The following STAG1 variants were observed in gnomAD, a reference collection of about 807,000 sequenced individuals.
The protein encoded by STAG1 is STAG1 cohesin complex component.
In STAG1, 26 loss-of-function variants were observed where a neutral mutation model predicts 170.9. The ratio of observed to expected loss-of-function variants is 0.15; its 90% CI spans 0.11 to 0.21. The LOEUF (loss-of-function observed/expected upper bound fraction) is 0.21. Ranked by LOEUF, STAG1 falls within the 10% of genes least tolerant of loss-of-function variation. The pLI is 1.00. For missense variants in STAG1, 964 were observed against 1,509.5 expected (o/e 0.64, Z 5.99); for synonymous variants, 514 against 497.7 (o/e 1.03, Z -0.44).
chr3:136,664,764 A>C (rs1206034030), intron 1 of STAG1, among the ~76,000 whole-genome samples: 1 of 152,218 alleles, frequency 6.6e-6, no homozygotes, highest in African/African-American at 2.4e-5. Context: ...AGCCAAGAGA[A>C]AGACCTGTGG....
chr3:136,619,522 C>T (rs1939746351), intron 3 of STAG1, among the ~76,000 whole-genome samples: 1 of 151,922 alleles, frequency 6.6e-6, no homozygotes, highest in Non-Finnish European at 1.5e-5. Flanking sequence ...CTTTGTGAGG[C>T]TGAGGCTGGT....
chr3:136,702,412 A>C (rs1333005726), intron 1 of STAG1, among the ~76,000 whole-genome samples: 2 of 152,112 alleles, frequency 1.3e-5, no homozygotes, highest in Non-Finnish European at 2.9e-5. Flanking sequence ...TTTGAGATGG[A>C]GTCTTGCTCT....
intron 4 of STAG1, among the ~76,000 whole-genome samples, chr3:136,595,214 T>C (rs1938369860): frequency 1.3e-5 from 2 of 152,168 alleles, no homozygotes; most frequent in Admixed American, 1.3e-4. Flanking sequence ...AAATTCAACA[T>C]GTATTTAATG....
At chr3:136,629,111 A>G (rs760230454) in intron 2 of STAG1, among the ~76,000 whole-genome samples, 2 of 152,188 alleles carry the variant, frequency 1.3e-5, no homozygotes, top group African/African-American at 2.4e-5. Flanking sequence ...TTCACTCACA[A>G]AGCATGATAT....
intron 7 of STAG1, among the ~76,000 whole-genome samples, chr3:136,508,891 A>C (rs77521246): frequency 8.0e-4 from 120 of 149,422 alleles, no homozygotes; most frequent in African/African-American, 2.9e-3. Flanking sequence ...CGTGCGCGAG[A>C]GAGAGAGAGA....
intron 12 of STAG1, among the ~76,000 whole-genome samples, chr3:136,471,041 A>G (rs113552066): frequency 1.1e-3 from 167 of 151,858 alleles, no homozygotes; most frequent in African/African-American, 2.4e-3. Flanking sequence ...CGAGTTAGTG[A>G]GTGCAGCACA....
At chr3:136,414,380 ACTAAATACCATCTCTTTCAT>A (rs2087713783) in intron 21 of STAG1, among the ~76,000 whole-genome samples, 2 of 152,170 alleles carry the variant, frequency 1.3e-5, no homozygotes, top group African/African-American at 4.8e-5. Context: ...CTTCACTAGG[ACTAAATACCATCTCTTTCAT>A]TGCTCATCCG....
In STAG1 at chr3:136,421,161, T is replaced by A; in HGVS notation, c.2040A>T (p.Gly680=). Reference sequence around the variant, plus strand: ...AAATGTCATCATCATCAGCTTCTTCTCCCTATAAAAAAAGGAAACATCACA... The same window carrying A: ...AAATGTCATCATCATCAGCTTCTTCACCCTATAAAAAAAGGAAACATCACA... ...NHSVEDLLQE[G]EEADDDDIYN... is the part of the protein sequence containing the mutation. Residue 680 remains glycine (G), a splice_region_variant and synonymous_variant, in exon 20 of 34, where the codon GGA becomes GGT. Transcript: ENST00000383202. The A allele has an allele frequency of 6.2e-7, 1 of 1,602,656 alleles. No homozygotes were observed. Among genetic ancestry groups the A allele is most frequent in the South Asian group, 1.1e-5 (1 of 89,268 alleles).
At chr3:136,688,710 T>C (rs2107894728) in intron 1 of STAG1, among the ~76,000 whole-genome samples, 1 of 152,294 alleles carries the variant, frequency 6.6e-6, no homozygotes, top group South Asian at 2.1e-4. Context: ...AATTTTTATA[T>C]GTTGTTTTGA....
chr3:136,540,519 GA>G (rs113228759), intron 6 of STAG1, among the ~76,000 whole-genome samples: 7 of 151,932 alleles, frequency 4.6e-5, no homozygotes, highest in African/African-American at 1.4e-4. Flanking sequence ...ATATTTACAG[GA>G]GTATTTTAAG....
At chr3:136,729,393 T>C (rs1933871429) in intron 1 of STAG1, among the ~76,000 whole-genome samples, 1 of 152,086 alleles carries the variant, frequency 6.6e-6, no homozygotes, top group African/African-American at 2.4e-5. Flanking sequence ...AATGGTACCA[T>C]GCTTATAAGA....
intron 9 of STAG1, among the ~76,000 whole-genome samples, chr3:136,496,914 G>A (rs1488446558): frequency 2.6e-5 from 4 of 151,602 alleles, no homozygotes; most frequent in Non-Finnish European, 5.9e-5. Context: ...AAAGGAGTGG[G>A]AGAGAGAGAG....
chr3:136,501,236 C>T (rs535130886), intron 8 of STAG1, among the ~76,000 whole-genome samples: 103 of 152,272 alleles, frequency 6.8e-4, no homozygotes, highest in African/African-American at 2.2e-3. Flanking sequence ...GCAGTACTTA[C>T]GAAAGCCCAG....
intron 4 of STAG1, among the ~76,000 whole-genome samples, chr3:136,579,974 T>A: frequency 7.6e-6 from 1 of 131,278 alleles, no homozygotes; most frequent in African/African-American, 3.0e-5. Context: ...TTTTTTTTTT[T>A]TTTTTTTTTT....
At chr3:136,415,416 T>C (rs2087743762) in intron 21 of STAG1, among the ~76,000 whole-genome samples, 1 of 152,158 alleles carries the variant, frequency 6.6e-6, no homozygotes, top group Admixed American at 6.5e-5. Context: ...TAAGCACAAC[T>C]GAGGGTCAAC....
At chr3:136,595,029 A>T (rs1221971003) in intron 4 of STAG1, among the ~76,000 whole-genome samples, 1 of 152,168 alleles carries the variant, frequency 6.6e-6, no homozygotes, top group Non-Finnish European at 1.5e-5. Flanking sequence ...TCAGCCTCCC[A>T]AAGTACTGGG....
At chr3:136,564,303 TA>T (rs1936970815) in intron 5 of STAG1, among the ~76,000 whole-genome samples, 1 of 152,228 alleles carries the variant, frequency 6.6e-6, no homozygotes. Flanking sequence ...ATTTGGTAGA[TA>T]TTCCTGGATA....
chr3:136,539,662 G>A (rs909697282), intron 6 of STAG1, among the ~76,000 whole-genome samples: 7 of 152,190 alleles, frequency 4.6e-5, no homozygotes, highest in Non-Finnish European at 7.3e-5. Context: ...TATCAAGAGC[G>A]AAGTGTATGT....
rs1167991358 is a variant in STAG1, at chr3:136,336,959, GAAGAGAGA to G, written c.*1287_*1294del. ...GAGGCTTACTTTAGAAATCAGAAAG[GAAGAGAGA>G]GACTAAGTGGGGTTTTTAAAACAAT... On this transcript the variant is annotated 3_prime_UTR_variant, in exon 34 of 34. Coordinates refer to ENST00000383202, the MANE Select transcript of STAG1 (RefSeq NM_005862.3). 1 of 526 alleles carries G rather than the reference GAAGAGAGA, an allele frequency of 1.9e-3. No individual in the cohort carries two copies. Among genetic ancestry groups the G allele is most frequent in the Non-Finnish European group, 0.011 (1 of 88 alleles). The allele number at this position is 526 out of a possible 1,614,324, so 0.0% of individuals were successfully genotyped here.
Sources: allele counts gnomAD v4.1 joint callset (sites outside exome capture counted in the v4.1 genomes callset), GRCh38; gene constraint gnomAD v4.1.1; transcripts MANE v1.5; gene names NCBI Gene and HGNC (gene_info 2026-07-23, HGNC 2026-07-21).